The following CCDC73 variants were observed in gnomAD, a reference collection of about 807,000 sequenced individuals.
CCDC73 encodes coiled-coil domain containing 73.
Under a neutral mutation model 116.5 loss-of-function variants are expected in CCDC73, and 95 were observed. The observed-to-expected ratio is 0.82, with a 90% CI of 0.69 to 0.97. The LOEUF (loss-of-function observed/expected upper bound fraction) is 0.97, where lower values mean the gene tolerates loss of function less well. Among genes scored for constraint, CCDC73 ranks in the 50% least tolerant of loss-of-function variants. The probability of loss-of-function intolerance (pLI) is 0.00; values close to 1 mark genes in which losing one functional copy is unlikely to be tolerated. For missense variants in CCDC73, 1,066 were observed against 1,206.8 expected (o/e 0.88, Z 1.73); for synonymous variants, 398 against 401.3 (o/e 0.99, Z 0.10).
chr11:32,647,192 T>C (rs1024084872), intron 12 of CCDC73, among the ~76,000 whole-genome samples: 3 of 152,196 alleles, frequency 2.0e-5, no homozygotes, highest in Non-Finnish European at 4.4e-5. Context: ...ACAGGAAGCA[T>C]AGCACTGGCA....
intron 2 of CCDC73, chr11:32,758,320 A>G (rs746361633): frequency 1.5e-4 from 74 of 503,380 alleles, no homozygotes; most frequent in Admixed American, 5.0e-4. Flanking sequence ...ACAGCCTCTA[A>G]CAAAACTAGG....
At chr11:32,751,562 C>T (rs1390282002) in intron 2 of CCDC73, among the ~76,000 whole-genome samples, 3 of 152,300 alleles carry the variant, frequency 2.0e-5, no homozygotes, top group South Asian at 2.1e-4. Flanking sequence ...CGGCTGGGTT[C>T]CGCCTGGTGT....
At chr11:32,717,952 G>A (rs1849959673) in intron 3 of CCDC73, 124 bp downstream of exon 3, 3 of 631,936 alleles carry the variant, frequency 4.7e-6, no homozygotes, top group African/African-American at 3.8e-5. Flanking sequence ...AGAACAGCAT[G>A]GGGAAACTGC....
chr11:32,788,783 C>T (rs1850648749), intron 1 of CCDC73, among the ~76,000 whole-genome samples: 2 of 152,006 alleles, frequency 1.3e-5, no homozygotes, highest in South Asian at 4.1e-4. Context: ...TCTTAATCTC[C>T]AGGTATTTAC....
the CCDC73 span, chr11:32,830,145 G>C: frequency 8.9e-6 from 9 of 1,008,726 alleles, no homozygotes; most frequent in Non-Finnish European, 1.1e-5. Context: ...TGGCCCGGGG[G>C]CTGCTGGAAC....
intron 2 of CCDC73, among the ~76,000 whole-genome samples, chr11:32,740,085 T>G (rs886325114): frequency 7.2e-5 from 11 of 152,160 alleles, no homozygotes; most frequent in African/African-American, 2.7e-4. Flanking sequence ...TTGCTAGTAT[T>G]TTGTTGAGAA....
chr11:32,674,513 C>T (rs1478204713), intron 9 of CCDC73, among the ~76,000 whole-genome samples: 1 of 152,142 alleles, frequency 6.6e-6, no homozygotes, highest in Non-Finnish European at 1.5e-5. Flanking sequence ...CTTATTGGTT[C>T]ACATAATTTA....
intron 6 of CCDC73, among the ~76,000 whole-genome samples, chr11:32,685,580 A>C (rs1856190308): frequency 6.6e-6 from 1 of 152,182 alleles, no homozygotes; most frequent in Admixed American, 6.5e-5. Flanking sequence ...AGAGCAGTTC[A>C]GAGAGGGGCA....
At chr11:32,648,370 G>A (rs1565065987) in intron 12 of CCDC73, among the ~76,000 whole-genome samples, 1 of 152,124 alleles carries the variant, frequency 6.6e-6, no homozygotes. Flanking sequence ...GTAATGTGGG[G>A]TTAAACATGC....
intron 9 of CCDC73, among the ~76,000 whole-genome samples, chr11:32,662,127 T>C (rs1379352089): frequency 6.6e-6 from 1 of 152,230 alleles, no homozygotes; most frequent in Admixed American, 6.5e-5. Context: ...CTATTGTGAA[T>C]AGTGCTGCAA....
intron 16 of CCDC73, 124 bp from the exon 17 acceptor site, chr11:32,611,389 G>T: frequency 1.2e-6 from 1 of 851,758 alleles, no homozygotes; most frequent in Non-Finnish European, 1.8e-6. Context: ...TTTTAATGTT[G>T]AATATTTTGC....
intron 2 of CCDC73, among the ~76,000 whole-genome samples, chr11:32,735,504 A>G (rs2133350594): frequency 6.6e-6 from 1 of 152,346 alleles, no homozygotes; most frequent in African/African-American, 2.4e-5. Context: ...CCACTGCTCA[A>G]CAAAATACAA....
intron 1 of CCDC73, among the ~76,000 whole-genome samples, chr11:32,763,033 C>T (rs1376554789): frequency 3.9e-5 from 6 of 152,184 alleles, no homozygotes; most frequent in East Asian, 1.9e-4. Context: ...AACTGCAAGG[C>T]GGCAGTGAGC....
rs1170267197 is a variant in CCDC73 at position 32,642,095 on chromosome 11, T to A, written c.940-13A>T. 6.6e-7 allele frequency: 1 copy of A among 1,515,352 alleles called. No individual in the cohort carries two copies. 93.9% of individuals were successfully genotyped at this position (1,515,352 alleles called of 1,614,324 possible). ...CTCTTTCAAGGGTCTGCAATAAAAT[T>A]AATTATCCAAAAAATAATCAATACC... On this transcript the variant is annotated splice_polypyrimidine_tract_variant and intron_variant, in intron 12 of 17. Coordinates refer to ENST00000335185, the MANE Select transcript of CCDC73 (RefSeq NM_001008391.4).
At chr11:32,692,535 T>C (rs1317615253) in intron 6 of CCDC73, among the ~76,000 whole-genome samples, 1 of 152,128 alleles carries the variant, frequency 6.6e-6, no homozygotes, top group African/African-American at 2.4e-5. Context: ...TTAAATTTAA[T>C]GAAATAAAGT....
At chr11:32,744,649 T>A (rs1337711019) in intron 2 of CCDC73, among the ~76,000 whole-genome samples, 1 of 152,180 alleles carries the variant, frequency 6.6e-6, no homozygotes, top group East Asian at 1.9e-4. Context: ...GGTGTATGTG[T>A]CCAGGAATTT....
intron 2 of CCDC73, among the ~76,000 whole-genome samples, chr11:32,749,567 T>C (rs1446551067): frequency 6.6e-6 from 1 of 152,112 alleles, no homozygotes; most frequent in South Asian, 2.1e-4. Context: ...CTGGATGGTC[T>C]TGATGCTTGT....
At chr11:32,756,951 C>T (rs1029210433) in intron 2 of CCDC73, among the ~76,000 whole-genome samples, 3 of 152,036 alleles carry the variant, frequency 2.0e-5, no homozygotes, top group Non-Finnish European at 4.4e-5. Flanking sequence ...TCTTGCTTAT[C>T]ACACATGCCT....
the CCDC73 span, among the ~76,000 whole-genome samples, chr11:32,819,379 C>A: frequency 6.6e-6 from 1 of 151,436 alleles, no homozygotes; most frequent in East Asian, 1.9e-4. Context: ...GGCTGAAATG[C>A]AACTCAGCAA....
Sources: allele counts gnomAD v4.1 joint callset (sites outside exome capture counted in the v4.1 genomes callset), GRCh38; gene constraint gnomAD v4.1.1; transcripts MANE v1.5; gene names NCBI Gene and HGNC (gene_info 2026-07-23, HGNC 2026-07-21).